The following PPP3CA variants were observed in gnomAD, a reference collection of about 807,000 sequenced individuals.
PPP3CA encodes CAM-PRP catalytic subunit.
In PPP3CA, 14 loss-of-function variants were observed where a neutral mutation model predicts 66.5. That is an observed-to-expected ratio of 0.21 (90% CI 0.14 to 0.33). The LOEUF (loss-of-function observed/expected upper bound fraction) is 0.33, where lower values mean the gene tolerates loss of function less well. Ranked by LOEUF, PPP3CA falls within the 10% of genes least tolerant of loss-of-function variation. The probability of loss-of-function intolerance (pLI) is 1.00; values close to 1 mark genes in which losing one functional copy is unlikely to be tolerated. For missense variants in PPP3CA, 317 were observed against 639.5 expected (o/e 0.50, Z 5.44); for synonymous variants, 232 against 226.2 (o/e 1.03, Z -0.23).
At chr4:101,309,990 T>A (rs1436924676) in intron 1 of PPP3CA, among the ~76,000 whole-genome samples, 1 of 152,192 alleles carries the variant, frequency 6.6e-6, no homozygotes, top group Non-Finnish European at 1.5e-5. Flanking sequence ...AATGAAAAGA[T>A]CAGTGTGTAA....
At chr4:101,269,080 T>C (rs1457824738) in intron 1 of PPP3CA, among the ~76,000 whole-genome samples, 1 of 152,136 alleles carries the variant, frequency 6.6e-6, no homozygotes, top group Non-Finnish European at 1.5e-5. Flanking sequence ...GCAATGTTGT[T>C]CCCTGTCTTC....
intron 1 of PPP3CA, among the ~76,000 whole-genome samples, chr4:101,201,391 T>C (rs926014271): frequency 1.2e-4 from 18 of 152,236 alleles, no homozygotes; most frequent in Non-Finnish European, 1.9e-4. Context: ...CCATGCCCTA[T>C]GTCTAGAGAT....
At chr4:101,303,645 G>A (rs1728448526) in intron 1 of PPP3CA, among the ~76,000 whole-genome samples, 1 of 152,138 alleles carries the variant, frequency 6.6e-6, no homozygotes, top group Non-Finnish European at 1.5e-5. Context: ...TGTACAGGTT[G>A]TTAACAATAG....
At chr4:101,122,851 G>A (rs7683248) in intron 2 of PPP3CA, among the ~76,000 whole-genome samples, 7,002 of 152,020 alleles carry the variant, frequency 0.046, 527 homozygotes, top group African/African-American at 0.16. Context: ...GAATCCAATG[G>A]TGAAGAAAAA....
chr4:101,079,797 A>C (rs148284800), intron 8 of PPP3CA, among the ~76,000 whole-genome samples: 1 of 152,290 alleles, frequency 6.6e-6, no homozygotes, highest in East Asian at 1.9e-4. Flanking sequence ...ATAATAATGC[A>C]CCCCTTGCTC....
intron 1 of PPP3CA, among the ~76,000 whole-genome samples, chr4:101,277,641 C>T (rs537120040): frequency 1.3e-5 from 2 of 152,272 alleles, no homozygotes; most frequent in Non-Finnish European, 2.9e-5. Context: ...TCTAAATGTA[C>T]ATAGCATAGC....
At chr4:101,213,291 A>T (rs1271318877) in intron 1 of PPP3CA, among the ~76,000 whole-genome samples, 3 of 152,196 alleles carry the variant, frequency 2.0e-5, no homozygotes, top group Non-Finnish European at 2.9e-5. Context: ...ACAGTGTATG[A>T]CCATGCAATA....
intron 1 of PPP3CA, among the ~76,000 whole-genome samples, chr4:101,332,102 T>C (rs1729405991): frequency 6.6e-6 from 1 of 152,170 alleles, no homozygotes; most frequent in African/African-American, 2.4e-5. Context: ...TTTAATTGAC[T>C]GGGATGGGTG....
intron 1 of PPP3CA, among the ~76,000 whole-genome samples, chr4:101,210,305 G>A (rs79641471): frequency 3.9e-5 from 6 of 152,062 alleles, no homozygotes; most frequent in African/African-American, 1.4e-4. Flanking sequence ...AGTATTCCAG[G>A]GAATTTCAAA....
intron 3 of PPP3CA, among the ~76,000 whole-genome samples, chr4:101,102,037 T>C (rs918324981): frequency 2.0e-5 from 3 of 152,188 alleles, no homozygotes; most frequent in Non-Finnish European, 4.4e-5. Flanking sequence ...ACCATAGTTC[T>C]TTCATAACTG....
rs969023856 is a variant in PPP3CA at position 101,193,864 on chromosome 4, T to C, written c.259+2052A>G. Among the ~76,000 whole-genome samples the C allele has an allele frequency of 4.6e-5, 7 of 152,278 alleles. 1 individual carries two copies. The South Asian group carries it at 1.5e-3, about 32-fold the overall frequency. On this transcript the variant is annotated intron_variant, in intron 2 of 13. Transcript: ENST00000394854. ...CATTAATTCCTCAGTTTTTCTTAAA[T>C]GGGGGCAAACCATGGCAAATGTTAG...
At chr4:101,299,347 A>T (rs77926714) in intron 1 of PPP3CA, among the ~76,000 whole-genome samples, 42 of 151,236 alleles carry the variant, frequency 2.8e-4, no homozygotes, top group African/African-American at 1.0e-3. Flanking sequence ...CTGAAGACTT[A>T]GAAGCTGGAC....
At chr4:101,242,143 A>G (rs1726331261) in intron 1 of PPP3CA, among the ~76,000 whole-genome samples, 3 of 152,158 alleles carry the variant, frequency 2.0e-5, no homozygotes. Context: ...GAAATTCTTA[A>G]GACTCATAGT....
chr4:101,137,787 G>A (rs1046931159), intron 2 of PPP3CA, among the ~76,000 whole-genome samples: 2 of 150,936 alleles, frequency 1.3e-5, no homozygotes, highest in Admixed American at 6.6e-5. Flanking sequence ...TAATCTAAAT[G>A]TGTCATAAGA....
chr4:101,343,784 A>C (rs1346785959), intron 1 of PPP3CA, among the ~76,000 whole-genome samples: 2 of 152,208 alleles, frequency 1.3e-5, no homozygotes, highest in Non-Finnish European at 2.9e-5. Context: ...TATAAACCTC[A>C]AAAATAACAT....
intron 3 of PPP3CA, among the ~76,000 whole-genome samples, chr4:101,106,437 GAAAGAAAGAAAGAAAGAGAAAAGAAA>G (rs1730707841): frequency 1.7e-4 from 2 of 12,114 alleles, no homozygotes; most frequent in Non-Finnish European, 3.5e-4. Flanking sequence ...AAGAAAGAAA[GAAAGAAAGAAAGAAAGAGAAAAGAAA>G]AGAAAAGAAA....
chr4:101,275,825 G>GT (rs1727472097), intron 1 of PPP3CA, among the ~76,000 whole-genome samples: 1 of 148,004 alleles, frequency 6.8e-6, no homozygotes, highest in Non-Finnish European at 1.5e-5. Context: ...GGGTGGTGTG[G>GT]TTTTTTTCGC....
intron 1 of PPP3CA, among the ~76,000 whole-genome samples, chr4:101,269,160 C>T (rs535656210): frequency 6.6e-6 from 1 of 152,112 alleles, no homozygotes; most frequent in Non-Finnish European, 1.5e-5. Flanking sequence ...TCGTCTATGA[C>T]AGGCTATAAT....
chr4:101,270,508 CACAA>C (rs1727304714), intron 1 of PPP3CA, among the ~76,000 whole-genome samples: 1 of 152,108 alleles, frequency 6.6e-6, no homozygotes, highest in African/African-American at 2.4e-5. Flanking sequence ...TGTTTAAAGA[CACAA>C]ACAATTTCCT....
Sources: allele counts gnomAD v4.1 joint callset (sites outside exome capture counted in the v4.1 genomes callset), GRCh38; gene constraint gnomAD v4.1.1; transcripts MANE v1.5; gene names NCBI Gene and HGNC (gene_info 2026-07-23, HGNC 2026-07-21).